Variants in FRAS1 observed in about 807,000 individuals in gnomAD.
The protein encoded by FRAS1 is extracellular matrix organizing protein FRAS1.
In FRAS1, 290 loss-of-function variants were observed where a neutral mutation model predicts 435.2. The ratio of observed to expected loss-of-function variants is 0.67; its 90% confidence interval spans 0.61 to 0.73. FRAS1 has a LOEUF of 0.73. Among genes scored for constraint, FRAS1 ranks in the 30% least tolerant of loss-of-function variants. The pLI is 0.00. For missense variants in FRAS1, 4,860 were observed against 5,001.5 expected, an observed-to-expected ratio of 0.97 and a Z score of 0.85; for synonymous variants, 1,800 against 1,851.0, an observed-to-expected ratio of 0.97 and a Z score of 0.71.
chr4:78,307,424 T>A (rs1728804679), intron 14 of FRAS1, among the ~76,000 whole-genome samples: 1 of 152,228 alleles, frequency 6.6e-6, no homozygotes, highest in African/African-American at 2.4e-5. Flanking sequence ...TTTGTTTACC[T>A]AAGCAAGCCT....
intron 4 of FRAS1, among the ~76,000 whole-genome samples, chr4:78,249,907 T>G (rs1257579647): frequency 6.6e-6 from 1 of 152,144 alleles, no homozygotes; most frequent in Non-Finnish European, 1.5e-5. Flanking sequence ...AAAGTTCTTG[T>G]TTTATGAAGT....
chr4:78,476,235 A>G (rs1719848482), intron 54 of FRAS1, among the ~76,000 whole-genome samples: 1 of 152,198 alleles, frequency 6.6e-6, no homozygotes, highest in African/African-American at 2.4e-5. Flanking sequence ...TCTTAGAAAG[A>G]GCAGGTTGAC....
At chr4:78,262,466 G>T (rs990079546) in intron 6 of FRAS1, among the ~76,000 whole-genome samples, 1 of 152,202 alleles carries the variant, frequency 6.6e-6, no homozygotes, top group African/African-American at 2.4e-5. Context: ...GAGCTAGGAA[G>T]GTGGAAAGTT....
rs1352183871 is a variant in FRAS1 at position 78,513,459 on chromosome 4, C to G, written c.10081C>G (p.His3361Asp). Reference protein sequence around the residue: ...MLPLISTMPLHNLHFLLSESI... With the variant: ...MLPLISTMPLDNLHFLLSESI... ...GCCCCTTATCTCCACCATGCCGTTG[C>G]ACAACTTACATTTTCTACTGTCTGA... Residue 3361 changes from histidine (H) to aspartate (D), a missense_variant, in exon 65 of 74, where the codon CAC (histidine) becomes GAC (aspartate). His to Asp is a moderately conservative substitution (Grantham distance 81). Transcript: ENST00000512123. 6.2e-7 allele frequency: 1 copy of G among 1,613,948 alleles called. No individual in the cohort carries two copies. The highest frequency in any genetic ancestry group is 8.5e-7 in the Non-Finnish European group (1 of 1,179,830).
chr4:78,289,617 C>A (rs1447055654), intron 14 of FRAS1, among the ~76,000 whole-genome samples: 1 of 152,154 alleles, frequency 6.6e-6, no homozygotes, highest in Non-Finnish European at 1.5e-5. Flanking sequence ...CCCTATGTGT[C>A]CTTTGCCAAC....
intron 2 of FRAS1, among the ~76,000 whole-genome samples, chr4:78,160,010 G>A (rs1396252596): frequency 6.6e-6 from 1 of 152,222 alleles, no homozygotes; most frequent in Non-Finnish European, 1.5e-5. Flanking sequence ...TCCAGGGAAT[G>A]TAGATCATCT....
At chr4:78,182,287 T>C (rs1722049736) in intron 2 of FRAS1, among the ~76,000 whole-genome samples, 1 of 152,184 alleles carries the variant, frequency 6.6e-6, no homozygotes. Context: ...ATGTCATATG[T>C]GCTGCAGTGG....
chr4:78,439,524 C>G (rs1050440369), intron 40 of FRAS1, among the ~76,000 whole-genome samples: 1 of 152,216 alleles, frequency 6.6e-6, no homozygotes, highest in Non-Finnish European at 1.5e-5. Flanking sequence ...GACATCAGTT[C>G]AAGTGCCAGT....
intron 2 of FRAS1, among the ~76,000 whole-genome samples, chr4:78,198,115 C>T (rs1722896813): frequency 6.6e-6 from 1 of 152,176 alleles, no homozygotes; most frequent in Admixed American, 6.5e-5. Context: ...ACCGAGCCCC[C>T]ATCTTAACCA....
At chr4:78,093,073 C>T (rs532394908) in intron 2 of FRAS1, among the ~76,000 whole-genome samples, 4 of 152,206 alleles carry the variant, frequency 2.6e-5, no homozygotes, top group Admixed American at 6.5e-5. Context: ...TCAAAGTTAC[C>T]TTTTGTTTGG....
chr4:78,383,932 A>G, intron 27 of FRAS1, 127 bp from the exon 28 acceptor site: 1 of 647,212 alleles, frequency 1.5e-6, no homozygotes, highest in Non-Finnish European at 2.7e-6. Context: ...TATGAGTGTG[A>G]CATTACTGCA....
chr4:78,315,670 T>G lies in FRAS1; in HGVS notation c.1755T>G (p.His585Gln). Residue 585 changes from histidine (H) to glutamine (Q), a missense_variant, in exon 16 of 74, where the codon CAT becomes CAG. Transcript: ENST00000512123. Reference protein sequence around the residue: ...CLTCTEKTVLHDGKCMSECPG... With the variant: ...CLTCTEKTVLQDGKCMSECPG... ...CCTGTACTGAGAAGACAGTGCTGCA[T>G]GATGGGAAATGCATGTCTGAATGCC... The G allele has an allele frequency of 6.2e-7, 1 of 1,614,010 alleles. No individual in the cohort carries two copies. Among genetic ancestry groups the G allele is most frequent in the Non-Finnish European group, 8.5e-7 (1 of 1,179,902 alleles).
At chr4:78,074,569 T>G (rs2109864855) in intron 2 of FRAS1, among the ~76,000 whole-genome samples, 1 of 152,222 alleles carries the variant, frequency 6.6e-6, no homozygotes, top group Admixed American at 6.5e-5. Flanking sequence ...GCTTAGCCAG[T>G]AGTCCCTTTT....
chr4:78,459,947 A>G (rs75365917), intron 47 of FRAS1, among the ~76,000 whole-genome samples: 3,286 of 152,298 alleles, frequency 0.022, 120 homozygotes, highest in African/African-American at 0.075. Flanking sequence ...TACATCTACA[A>G]TTACACTATT....
chr4:78,270,630 G>A (rs1478052939), intron 9 of FRAS1, among the ~76,000 whole-genome samples: 1 of 147,668 alleles, frequency 6.8e-6, no homozygotes, highest in Non-Finnish European at 1.5e-5. Flanking sequence ...TTGTCTGTAT[G>A]TATTTTAGTG....
chr4:78,171,395 T>C (rs10016866), intron 2 of FRAS1, among the ~76,000 whole-genome samples: 4,116 of 152,244 alleles, frequency 0.027, 95 homozygotes, highest in Middle Eastern at 0.078. Flanking sequence ...GTGTTTTACA[T>C]GTGCCCACAC....
rs747916576 is a variant in FRAS1 at position 78,508,750 on chromosome 4, A to G, written c.9524A>G (p.Tyr3175Cys). Residue 3175 changes from tyrosine to cysteine, a missense_variant, in exon 63 of 74, where the codon TAT (tyrosine) becomes TGT (cysteine). Physicochemically the swap from Tyr to Cys is radical, Grantham distance 194. Coordinates refer to ENST00000512123, the MANE Select transcript of FRAS1 (RefSeq NM_025074.7). Reference sequence around the variant, plus strand: ...TCGCAGGTGGTCACACTTGCTGACTATGACCATGTGGAAGAAGTTACCAAG... The same window carrying G: ...TCGCAGGTGGTCACACTTGCTGACTGTGACCATGTGGAAGAAGTTACCAAG... ...APPIVVTLAD[Y>C]DHVEEVTKEG... is the part of the protein sequence containing the mutation. 6.2e-7 allele frequency: 1 copy of G among 1,613,812 alleles called. No individual in the cohort carries two copies. Among genetic ancestry groups the G allele is most frequent in the South Asian group, 1.1e-5 (1 of 91,048 alleles).
At chr4:78,203,433 C>T (rs769905979) in intron 2 of FRAS1, among the ~76,000 whole-genome samples, 3 of 152,110 alleles carry the variant, frequency 2.0e-5, no homozygotes, top group Non-Finnish European at 2.9e-5. Flanking sequence ...ACTTTTGTGG[C>T]CATTTTTGGT....
intron 58 of FRAS1, among the ~76,000 whole-genome samples, chr4:78,488,063 G>A (rs1395425501): frequency 6.6e-6 from 1 of 152,150 alleles, no homozygotes; most frequent in Admixed American, 6.5e-5. Context: ...AACCCGGGAG[G>A]TAGAGGTTGC....
Sources: gnomAD v4.1 joint callset for allele counts (sites outside exome capture counted in the v4.1 genomes callset) on GRCh38, gnomAD v4.1.1 for gene constraint, MANE v1.5 for transcripts, NCBI Gene and HGNC (gene_info 2026-07-23, HGNC 2026-07-21) for gene names.